The following ATP8B2 variants were observed in gnomAD, a reference collection of about 807,000 sequenced individuals.
ATP8B2 encodes ATPase phospholipid transporting 8B2.
In ATP8B2, 70 loss-of-function variants were observed where a neutral mutation model predicts 133.4. That is an observed-to-expected ratio of 0.52 (90% confidence interval 0.43 to 0.64). The LOEUF is 0.64. Ranked by LOEUF, ATP8B2 falls within the 30% of genes least tolerant of loss-of-function variation. The pLI is 0.00. For synonymous variants in ATP8B2, 517 were observed against 589.5 expected (o/e 0.88, Z 1.78); for missense variants, 1,101 against 1,535.7 (o/e 0.72, Z 4.73).
chr1:154,332,685 G>A lies in ATP8B2; in HGVS notation c.577G>A (p.Ala193Thr). ...AGAATTGGGAGACATCAGTAAGCTT[G>A]CCAAGTTTGACGGTGAGTAATTTTG... ...TSELGDISKL[A>T]KFDGEVICEP... is the part of the protein sequence containing the mutation. Residue 193 changes from alanine (A) to threonine (T), a missense_variant, in exon 9 of 28, where the codon GCC (alanine) becomes ACC (threonine). Physicochemically the swap from Ala to Thr is moderately conservative, Grantham distance 58 (BLOSUM62 0). Coordinates refer to ENST00000368489, the MANE Select transcript of ATP8B2 (RefSeq NM_001370597.1). The A allele has an allele frequency of 5.1e-6, 8 of 1,577,552 alleles. No homozygotes were observed. Among genetic ancestry groups the A allele is most frequent in the Non-Finnish European group, 6.9e-6 (8 of 1,160,008 alleles).
rs1249907197 is a variant in ATP8B2 at position 154,331,586 on chromosome 1, C to T, written c.366-20C>T. On this transcript the variant is annotated intron_variant, in intron 6 of 27. Coordinates refer to ENST00000368489, the MANE Select transcript of ATP8B2 (RefSeq NM_001370597.1). The surrounding 1 kb of genome is among the most constrained non-coding windows in gnomAD (Gnocchi z 4.8). ...TCTTTAGCTCCTGACAGCCTCTTCA[C>T]TGTCTTCTCGTTGCCTCAGCCTCCA... 1 of 1,614,148 alleles carries T rather than the reference C, an allele frequency of 6.2e-7. No homozygotes were observed. The highest frequency in any genetic ancestry group is 1.6e-4 in the Middle Eastern group (1 of 6,062).
chr1:154,335,490 G>A (rs1426541579), intron 11 of ATP8B2, among the ~76,000 whole-genome samples: 1 of 151,994 alleles, frequency 6.6e-6, no homozygotes, highest in African/African-American at 2.4e-5. Context: ...CTAGGAGTTC[G>A]AAAACAGCCT....
intron 26 of ATP8B2, among the ~76,000 whole-genome samples, chr1:154,347,320 G>C (rs1027900353): frequency 4.6e-5 from 7 of 152,330 alleles, no homozygotes; most frequent in African/African-American, 1.4e-4. Context: ...TCTGCACGTG[G>C]AGCTGGGGAG....
At chr1:154,332,815 C>T in intron 9 of ATP8B2, 118 bp downstream of exon 9, 1 of 788,280 alleles carries the variant, frequency 1.3e-6, no homozygotes. Flanking sequence ...ACTCCCTGGA[C>T]TGTTTTGGGG....
In ATP8B2 at chr1:154,329,107, G is replaced by T. The variant is rs1425800040; in HGVS notation, c.31+935G>T. ...GGAGGCAGCGCCTGGCAGCTCTCCC[G>T]CACCCATTATTTCCCCCCTCCAATC... On this transcript the variant is annotated intron_variant, in intron 2 of 27. Transcript: ENST00000368489. 3.2e-6 allele frequency: 4 copies of T among 1,241,472 alleles called. No individual in the cohort carries two copies. The South Asian group carries it at 5.5e-5, about 17-fold the overall frequency. The allele number at this position is 1,241,472 out of a possible 1,614,324, so 76.9% of individuals were successfully genotyped here. A position where few individuals can be genotyped will look rare whatever the true frequency, so the allele number is the denominator to read the frequency against.
intron 26 of ATP8B2, among the ~76,000 whole-genome samples, chr1:154,347,137 A>T (rs1190978260): frequency 2.0e-5 from 3 of 151,932 alleles, no homozygotes; most frequent in Non-Finnish European, 4.4e-5. Flanking sequence ...TGATCCACTC[A>T]CCTCGGCCTC....
rs1686102538 is a variant in ATP8B2 at position 154,334,310 on chromosome 1, G to A, written c.748+45G>A. 6.2e-7 allele frequency: 1 copy of A among 1,605,052 alleles called. No individual in the cohort carries two copies. Among genetic ancestry groups the A allele is most frequent in the South Asian group, 1.1e-5 (1 of 90,756 alleles). ...AAGAAAGAAGGGTAAGAGTGACTCAGCCAGCCCTCACTCAGGAGTATGGGA... is the reference window on the plus strand; with the variant it reads ...AAGAAAGAAGGGTAAGAGTGACTCAACCAGCCCTCACTCAGGAGTATGGGA... On this transcript the variant is annotated intron_variant, in intron 10 of 27. Transcript: ENST00000368489. The surrounding 1 kb of genome is among the most constrained non-coding windows in gnomAD (Gnocchi z 4.6).
Position 154,334,514 on chromosome 1 carries a change from A to G in ATP8B2, c.760A>G (p.Lys254Glu), listed in dbSNP as rs2149164191. 1.2e-6 allele frequency: 2 copies of G among 1,614,088 alleles called. No homozygotes were observed. Among genetic ancestry groups the G allele is most frequent in the Non-Finnish European group, 1.7e-6 (2 of 1,180,010 alleles). The change falls in exon 11 of 28, where the codon AAG (lysine) becomes GAG (glutamate). Residue 254 changes from lysine to glutamate, a missense_variant. Transcript: ENST00000368489. The surrounding 1 kb of genome is among the most constrained non-coding windows in gnomAD (Gnocchi z 4.6). The part of the protein sequence containing the change: ...GLVIFAGPDT[K>E]LMQNSGRTKF... ...CCATTCTTTTCCAGGTCCCGACACTAAGCTGATGCAAAACAGCGGCAGAAC... is the reference window on the plus strand; with the variant it reads ...CCATTCTTTTCCAGGTCCCGACACTGAGCTGATGCAAAACAGCGGCAGAAC...
chr1:154,342,412 A>T (rs779749189), intron 13 of ATP8B2, 68 bp from the exon 14 acceptor site: 162 of 1,483,562 alleles, frequency 1.1e-4, no homozygotes, highest in Non-Finnish European at 1.5e-4. Flanking sequence ...TGCATTGGAG[A>T]TGTTTTTCCA....
chr1:154,328,089 C>G lies in ATP8B2; in HGVS notation c.-37-16C>G, dbSNP rs761694585. The G allele has an allele frequency of 1.4e-5, 23 of 1,613,512 alleles. No homozygotes were observed. The East Asian group carries it at 5.1e-4, about 36-fold the overall frequency. On this transcript the variant is annotated splice_polypyrimidine_tract_variant and intron_variant, in intron 1 of 27. Transcript: ENST00000368489. This position sits in a 1 kb window ranked among gnomAD's most constrained non-coding sequence, Gnocchi z 4.6. ...TCCTCAGCTTCCTGACCTCATTCGT[C>G]TGTCACTTCTTGCAGGGTCTCCCAT...
rs1686737574 is a variant in ATP8B2 at position 154,350,203 on chromosome 1, A to G, written c.*1085A>G. The stretch of plus-strand genomic sequence containing the variant: ...ATTCTCCTGCCTCAGCCTCCTGAGT[A>G]GCTGGGATTACAGGCACACACCACC... On this transcript the variant is annotated 3_prime_UTR_variant, in exon 28 of 28. Transcript: ENST00000368489. 6.6e-6 allele frequency: 1 copy of G among 151,632 alleles called. No individual in the cohort carries two copies. The highest frequency in any genetic ancestry group is 2.4e-5 in the African/African-American group (1 of 41,170). The allele number at this position is 151,632 out of a possible 1,614,324, so 9.4% of individuals were successfully genotyped here.
At chr1:154,347,777 C>T (rs2149176968) in intron 26 of ATP8B2, among the ~76,000 whole-genome samples, 1 of 152,074 alleles carries the variant, frequency 6.6e-6, no homozygotes, top group South Asian at 2.1e-4. Context: ...CCCATCTCTA[C>T]TAAAAATACA....
intron 13 of ATP8B2, among the ~76,000 whole-genome samples, chr1:154,342,059 G>A (rs1440412632): frequency 6.6e-6 from 1 of 152,146 alleles, no homozygotes; most frequent in Admixed American, 6.6e-5. Context: ...CAGCATGTGG[G>A]GCTGACTTTT....
rs750502356 is a variant in ATP8B2 at position 154,334,074 on chromosome 1, C to A, written c.590-33C>A. On this transcript the variant is annotated intron_variant, in intron 9 of 27. Transcript: ENST00000368489. This position sits in a 1 kb window ranked among gnomAD's most constrained non-coding sequence, Gnocchi z 4.6. The stretch of plus-strand genomic sequence containing the variant: ...TCTTGTGGTTAGGCTGTAGACTGGA[C>A]CTTAAGCAGTGGAATTCTTGTCTCC... 6.2e-6 allele frequency: 10 copies of A among 1,611,176 alleles called. No individual in the cohort carries two copies. In the African/African-American group the frequency reaches 1.3e-4, roughly 22 times the overall value.
chr1:154,337,747 G>GAA (rs11448687), intron 12 of ATP8B2: 445 of 1,478,212 alleles, frequency 3.0e-4, no homozygotes, highest in Middle Eastern at 7.3e-4. Flanking sequence ...CTGTATTAGA[G>GAA]AAAAAAAAAT....
Position 154,343,573 on chromosome 1 carries a change from G to C in ATP8B2, c.1758+5G>C, listed in dbSNP as rs1686458417. ...ACCACCATGGACCACCTTAATGTGG[G>C]TGTGAGGAGAGGAGGGGCCAGCCTG... On this transcript the variant is annotated splice_donor_5th_base_variant and intron_variant, in intron 17 of 27. Coordinates refer to ENST00000368489, the MANE Select transcript of ATP8B2 (RefSeq NM_001370597.1). The surrounding 1 kb of genome is among the most constrained non-coding windows in gnomAD (Gnocchi z 5.8). 6.2e-7 allele frequency: 1 copy of C among 1,613,066 alleles called. No individual in the cohort carries two copies. The highest frequency in any genetic ancestry group is 1.3e-5 in the African/African-American group (1 of 74,894).
Position 154,343,757 on chromosome 1 carries a change from A to G in ATP8B2, c.1759-136A>G. On this transcript the variant is annotated intron_variant, in intron 17 of 27. Transcript: ENST00000368489. The surrounding 1 kb of genome is among the most constrained non-coding windows in gnomAD (Gnocchi z 5.8). ...CCAGCTCCCATAGTTACCTCTTTTT[A>G]TGTATGTGGTGACAGTCCCTAACTG... is the stretch of plus-strand genomic sequence containing the variant. 1 of 1,143,140 alleles carries G rather than the reference A, an allele frequency of 8.7e-7. No homozygotes were observed. Among genetic ancestry groups the G allele is most frequent in the Non-Finnish European group, 1.2e-6 (1 of 813,000 alleles). 70.8% of individuals were successfully genotyped at this position (1,143,140 alleles called of 1,614,324 possible).
Position 154,345,728 on chromosome 1 carries a change from T to G in ATP8B2, c.2695-72T>G. On this transcript the variant is annotated intron_variant, in intron 23 of 27. Transcript: ENST00000368489. The surrounding 1 kb of genome is among the most constrained non-coding windows in gnomAD (Gnocchi z 5.6). The stretch of plus-strand genomic sequence containing the variant: ...TTCTTAGGGTTCTCTGTATGTGACA[T>G]CAGCTGTCTTCCTGTGCCTGATGTG... The G allele has an allele frequency of 7.0e-7, 1 of 1,432,842 alleles. No individual in the cohort carries two copies. Among genetic ancestry groups the G allele is most frequent in the South Asian group, 1.2e-5 (1 of 86,520 alleles). 88.8% of individuals were successfully genotyped at this position (1,432,842 alleles called of 1,614,324 possible).
rs572792535 is a variant in ATP8B2, at chr1:154,346,935, C to T, written c.3163+177C>T. Reference sequence around the variant, plus strand: ...TTGCCCAGGCTGGAGTGCAGTGGTGCGATCTCGGCTCACTGCAGCCTTCGA... The same window carrying T: ...TTGCCCAGGCTGGAGTGCAGTGGTGTGATCTCGGCTCACTGCAGCCTTCGA... On this transcript the variant is annotated intron_variant, in intron 26 of 27. Coordinates refer to ENST00000368489, the MANE Select transcript of ATP8B2 (RefSeq NM_001370597.1). The surrounding 1 kb of genome is among the most constrained non-coding windows in gnomAD (Gnocchi z 4.5). 2.0e-5 allele frequency among the ~76,000 whole-genome samples: 3 copies of T among 152,218 alleles called. No homozygotes were observed. The highest frequency in any genetic ancestry group is 4.1e-4 in the South Asian group (2 of 4,822).
Sources: gnomAD v4.1 joint callset for allele counts (sites outside exome capture counted in the v4.1 genomes callset) on GRCh38, gnomAD v4.1.1 for gene constraint, Gnocchi (gnomAD v3.1) non-coding constraint, MANE v1.5 for transcripts, NCBI Gene and HGNC (gene_info 2026-07-23, HGNC 2026-07-21) for gene names.